Variants in RASGRF1 observed in about 807,000 individuals in gnomAD.
RASGRF1 encodes the protein ras-specific guanine nucleotide-releasing factor 1.
A neutral mutation model predicts 138.7 loss-of-function variants in RASGRF1; 40 were observed. The ratio of observed to expected loss-of-function variants is 0.29; its 90% confidence interval spans 0.22 to 0.38. RASGRF1 has a LOEUF of 0.38. Among genes scored for constraint, RASGRF1 ranks in the 10% least tolerant of loss-of-function variants. The pLI, the probability that RASGRF1 is intolerant of heterozygous loss-of-function variation, is 1.00. For synonymous variants in RASGRF1, 614 were observed against 663.2 expected (o/e 0.93, Z 1.14); for missense variants, 1,108 against 1,650.4 (o/e 0.67, Z 5.69).
intron 24 of RASGRF1, among the ~76,000 whole-genome samples, chr15:78,974,353 C>A (rs1234767340): frequency 6.6e-6 from 1 of 152,232 alleles, no homozygotes; most frequent in Non-Finnish European, 1.5e-5. Flanking sequence ...CCCAGCCCAT[C>A]TTACCTTTGT....
chr15:78,987,798 C>T lies in RASGRF1; in HGVS notation c.3216+2391G>A, dbSNP rs142646421. 2.5e-3 allele frequency among the ~76,000 whole-genome samples: 388 copies of T among 152,160 alleles called. 3 individuals are homozygous for T. Among genetic ancestry groups the T allele is most frequent in the African/African-American group, 9.1e-3 (378 of 41,500 alleles). ...CATTCCATGCTGTTGTGGAGAGAGA[C>T]GGGACTAGGGTGAGGCAGTTGAGGT... On this transcript the variant is annotated intron_variant, in intron 22 of 26. Coordinates refer to ENST00000558480, the MANE Select transcript of RASGRF1 (RefSeq NM_001145648.3).
intron 3 of RASGRF1, among the ~76,000 whole-genome samples, chr15:79,057,997 C>G (rs1433435951): frequency 6.6e-6 from 1 of 152,238 alleles, no homozygotes; most frequent in Non-Finnish European, 1.5e-5. Flanking sequence ...GACACAGTAA[C>G]TAGGAGCTTG....
Position 79,017,811 on chromosome 15 carries a change from A to C in RASGRF1, c.1702T>G (p.Ser568Ala). ...GTCCACGCTGCCTTCTCCTGTCTGG[A>C]CGAGGCCACTAGGATGACTGTAAAG... ...PPFTVILVAS[S>A]RQEKAAWTSD... Residue 568 changes from serine (S) to alanine (A), a missense_variant, in exon 12 of 27, where the codon TCC becomes GCC. Around this residue, in one of 3 missense-constraint regions of RASGRF1, gnomAD observed 686 missense variants for 976.7 expected, o/e 0.70. Coordinates refer to ENST00000558480, the MANE Select transcript of RASGRF1 (RefSeq NM_001145648.3). 1.9e-6 allele frequency: 3 copies of C among 1,612,506 alleles called. No individual in the cohort carries two copies. The highest frequency in any genetic ancestry group is 2.5e-6 in the Non-Finnish European group (3 of 1,179,434).
intron 9 of RASGRF1, 110 bp from the exon 10 acceptor site, chr15:79,025,584 C>T: frequency 7.5e-7 from 1 of 1,336,156 alleles, no homozygotes; most frequent in Non-Finnish European, 1.0e-6. Context: ...CAAGTCCATT[C>T]TGTTTCCCAG....
chr15:79,085,697 T>A (rs1360984119), intron 1 of RASGRF1, among the ~76,000 whole-genome samples: 2 of 152,124 alleles, frequency 1.3e-5, no homozygotes, highest in African/African-American at 4.8e-5. Context: ...CCCAGGCTCT[T>A]CAGGAGGGAA....
chr15:79,059,459 C>T (rs73477328), intron 2 of RASGRF1, among the ~76,000 whole-genome samples: 3 of 148,948 alleles, frequency 2.0e-5, no homozygotes, highest in African/African-American at 4.9e-5. Flanking sequence ...CTTCTATCCC[C>T]CCTCGTGCAG....
intron 5 of RASGRF1, among the ~76,000 whole-genome samples, chr15:79,045,045 A>C (rs1458437186): frequency 1.3e-5 from 2 of 152,196 alleles, no homozygotes; most frequent in Non-Finnish European, 1.5e-5. Context: ...GTGGCCTAAA[A>C]TGCAAAAAAA....
chr15:78,995,258 G>C (rs1347628282), intron 20 of RASGRF1, among the ~76,000 whole-genome samples: 1 of 149,860 alleles, frequency 6.7e-6, no homozygotes, highest in Non-Finnish European at 1.5e-5. Context: ...TCAGACTCCA[G>C]AACTATGAGA....
intron 23 of RASGRF1, among the ~76,000 whole-genome samples, chr15:78,983,743 A>T (rs2056086654): frequency 6.6e-6 from 1 of 152,254 alleles, no homozygotes; most frequent in African/African-American, 2.4e-5. Flanking sequence ...TCATGACAGC[A>T]TGTACCATGT....
chr15:78,999,611 G>T, intron 17 of RASGRF1, 132 bp downstream of exon 17: 1 of 1,114,210 alleles, frequency 9.0e-7, no homozygotes, highest in Non-Finnish European at 1.3e-6. Context: ...GCTTTAACAG[G>T]ACCCACCTGT....
chr15:78,974,214 C>T (rs921912077), intron 24 of RASGRF1, among the ~76,000 whole-genome samples: 4 of 152,160 alleles, frequency 2.6e-5, no homozygotes, highest in African/African-American at 4.8e-5. Context: ...TGGAGCCCGG[C>T]GGTCGTTATG....
At chr15:79,010,032 G>T (rs116933397) in intron 13 of RASGRF1, among the ~76,000 whole-genome samples, 11,720 of 128,650 alleles carry the variant, frequency 0.091, 579 homozygotes, top group East Asian at 0.17. Flanking sequence ...CTCTTTGTTT[G>T]TTTTTTTTTT....
intron 3 of RASGRF1, among the ~76,000 whole-genome samples, chr15:79,054,046 C>A (rs1341434743): frequency 6.6e-6 from 1 of 152,178 alleles, no homozygotes; most frequent in Non-Finnish European, 1.5e-5. Context: ...TTCAAGCTAC[C>A]AAAGGTCAAA....
At chr15:78,971,338 AT>A (rs1400004503) in intron 26 of RASGRF1, among the ~76,000 whole-genome samples, 3 of 152,296 alleles carry the variant, frequency 2.0e-5, no homozygotes, top group Admixed American at 1.3e-4. Context: ...GGATGCTTCT[AT>A]TTTAATAGGA....
intron 13 of RASGRF1, among the ~76,000 whole-genome samples, chr15:79,010,594 G>A (rs1213665034): frequency 6.6e-6 from 1 of 152,218 alleles, no homozygotes; most frequent in African/African-American, 2.4e-5. Context: ...TTTCTCAGTG[G>A]AAATTCAGAT....
chr15:78,979,016 G>A, intron 24 of RASGRF1: 1 of 1,294,040 alleles, frequency 7.7e-7, no homozygotes, highest in Non-Finnish European at 1.0e-6. Context: ...GGAGGCAGCG[G>A]TGGTGGCGGC....
intron 3 of RASGRF1, among the ~76,000 whole-genome samples, chr15:79,057,519 C>A (rs558234062): frequency 6.6e-6 from 1 of 152,286 alleles, no homozygotes; most frequent in Non-Finnish European, 1.5e-5. Context: ...ATCTGTGGTC[C>A]TTGTATGATA....
chr15:79,055,416 G>A (rs1289818171), intron 3 of RASGRF1, among the ~76,000 whole-genome samples: 1 of 152,114 alleles, frequency 6.6e-6, no homozygotes, highest in East Asian at 1.9e-4. Flanking sequence ...GAGAGAGAGA[G>A]ACAGAGAGAG....
At position 79,046,916 on chromosome 15, in the gene RASGRF1, G is replaced by A. The variant is rs147498732; in HGVS notation, c.708C>T (p.Asp236=). The change falls in exon 5 of 27, where the codon GAC becomes GAT. Residue 236 remains aspartate, a synonymous_variant. Coordinates refer to ENST00000558480, the MANE Select transcript of RASGRF1 (RefSeq NM_001145648.3). The surrounding 1 kb of genome is among the most constrained non-coding windows in gnomAD (Gnocchi z 5.3). ...IQDYIRSPHA[D]SMRKRNQVVF... ...CCACCTGGTTCCTCTTGCGCATGCT[G>A]TCAGCATGGGGTGACCGGATGTAGT... 2.5e-5 allele frequency: 40 copies of A among 1,614,184 alleles called. No individual in the cohort carries two copies. The African/African-American group carries it at 4.5e-4, about 18-fold the overall frequency.
Sources: gnomAD v4.1 joint callset for allele counts (sites outside exome capture counted in the v4.1 genomes callset) on GRCh38, gnomAD v4.1.1 for gene constraint, gnomAD v4.1.1 regional missense constraint, Gnocchi (gnomAD v3.1) non-coding constraint, MANE v1.5 for transcripts, NCBI Gene and HGNC (gene_info 2026-07-23, HGNC 2026-07-21) for gene names.